The following DAZL variants were observed in gnomAD, a reference collection of about 807,000 sequenced individuals.
DAZL encodes deleted in azoospermia like, also known as deleted in azoospermia-like.
DAZL carries 4 observed loss-of-function variants against 45.0 expected under a neutral mutation model. The observed-to-expected ratio is 0.09, with a 90% CI of 0.04 to 0.20. The LOEUF (loss-of-function observed/expected upper bound fraction) is 0.20, where lower values mean the gene tolerates loss of function less well. Among genes scored for constraint, DAZL ranks in the 10% least tolerant of loss-of-function variants. The pLI is 1.00. For missense variants in DAZL, 326 were observed against 351.3 expected, an observed-to-expected ratio of 0.93 and a Z score of 0.58; for synonymous variants, 122 against 112.4, an observed-to-expected ratio of 1.09 and a Z score of -0.54.
intron 10 of DAZL, among the ~76,000 whole-genome samples, 176 bp downstream of exon 10, chr3:16,591,874 A>C (rs1694523620): frequency 6.6e-6 from 1 of 152,248 alleles, no homozygotes; most frequent in Non-Finnish European, 1.5e-5. Context: ...GTCAAGGTTC[A>C]GCAGCAGAAA....
intron 6 of DAZL, 136 bp from the exon 7 acceptor site, chr3:16,595,521 A>G: frequency 9.1e-6 from 5 of 546,880 alleles, no homozygotes; most frequent in Non-Finnish European, 1.6e-5. Flanking sequence ...TTCTAAATGC[A>G]TGACTGACTT....
Position 16,605,397 on chromosome 3 carries a change from C to G in DAZL, c.-192G>C. The G allele has an allele frequency of 1.6e-5, 11 of 704,872 alleles. No homozygotes were observed. The highest frequency in any genetic ancestry group is 4.4e-5 in the Admixed American group (2 of 45,214). The allele number at this position is 704,872 out of a possible 1,614,324, so 43.7% of individuals were successfully genotyped here. On this transcript the variant is annotated 5_prime_UTR_variant, in exon 1 of 11. Transcript: ENST00000399444. Reference sequence around the variant, plus strand: ...GGCTGAGGAGCCCCGAAAGGCGGACCGTCAGGCTGAGGAGCGCAGGCGGAC... The same window carrying G: ...GGCTGAGGAGCCCCGAAAGGCGGACGGTCAGGCTGAGGAGCGCAGGCGGAC...
In DAZL at chr3:16,593,689, T is replaced by A. The variant is rs370868321; in HGVS notation, c.701A>T (p.Glu234Val). 2.0e-5 allele frequency: 32 copies of A among 1,612,282 alleles called. No individual in the cohort carries two copies. The highest frequency in any genetic ancestry group is 2.7e-5 in the African/African-American group (2 of 74,902). The change falls in exon 9 of 11, where the codon GAA becomes GTA. Residue 234 changes from glutamate (E) to valine (V), a missense_variant. Physicochemically the swap from Glu to Val is moderately radical, Grantham distance 121 (BLOSUM62 -2). Coordinates refer to ENST00000399444, the MANE Select transcript of DAZL (RefSeq NM_001351.4). ...EVVPNECSVHEATPPSGNGPQ... is the reference protein window; with the variant it reads ...EVVPNECSVHVATPPSGNGPQ... ...GCCATTTCCAGAGGGTGGAGTAGCT[T>A]CATGAACTGAACATTCATTTGGCAC...
At chr3:16,604,394 G>T (rs1041890335) in intron 1 of DAZL, 1 of 1,476,538 alleles carries the variant, frequency 6.8e-7, no homozygotes, top group East Asian at 2.5e-5. Context: ...ACCGTACCCA[G>T]AATTTAAAAA....
intron 2 of DAZL, 38 bp from the exon 3 acceptor site, chr3:16,598,216 GCATT>G (rs1575418526): frequency 6.5e-7 from 1 of 1,536,038 alleles, no homozygotes; most frequent in Non-Finnish European, 9.0e-7. Flanking sequence ...TAAAAATTCA[GCATT>G]CAAAAATTTT....
At chr3:16,589,282 A>G (rs1354119071) in intron 10 of DAZL, among the ~76,000 whole-genome samples, 1 of 152,202 alleles carries the variant, frequency 6.6e-6, no homozygotes, top group African/African-American at 2.4e-5. Context: ...ACAGATGTGC[A>G]GAGAGAAAAA....
chr3:16,604,555 C>A, intron 1 of DAZL: 1 of 1,442,678 alleles, frequency 6.9e-7, no homozygotes, highest in Non-Finnish European at 9.1e-7. Flanking sequence ...CACTTCCGGC[C>A]CAGCCCCCTC....
At chr3:16,596,680 T>A in intron 6 of DAZL, 70 bp downstream of exon 6, 1 of 1,531,258 alleles carries the variant, frequency 6.5e-7, no homozygotes, top group Non-Finnish European at 9.0e-7. Context: ...CTACAGAAAT[T>A]GGATGTAATT....
Position 16,598,616 on chromosome 3 carries a change from G to A in DAZL, c.4-18C>T. 2 of 1,588,412 alleles carry A rather than the reference G, an allele frequency of 1.3e-6. No homozygotes were observed. Among genetic ancestry groups the A allele is most frequent in the Non-Finnish European group, 1.7e-6 (2 of 1,173,326 alleles). ...GCAGTAGACTGTAATTTGGAAAGTA[G>A]ACATCATAATTAGATACACAGGAAA... On this transcript the variant is annotated intron_variant, in intron 1 of 10. Transcript: ENST00000399444.
chr3:16,592,659 T>C (rs905546680), intron 9 of DAZL, among the ~76,000 whole-genome samples: 1 of 152,162 alleles, frequency 6.6e-6, no homozygotes, highest in Non-Finnish European at 1.5e-5. Flanking sequence ...GACAAAGATT[T>C]TAGAACCTTA....
At position 16,598,367 on chromosome 3, in the gene DAZL, CA is replaced by C. The variant is rs1306454389; in HGVS notation, c.150+84del. On this transcript the variant is annotated intron_variant, in intron 2 of 10. Coordinates refer to ENST00000399444, the MANE Select transcript of DAZL (RefSeq NM_001351.4). ...ACCAATTCTAAACCTCCATGAAGTA[CA>C]AAAAAACCTTAAGTTTGTAACAGGG... 6 of 1,560,576 alleles carry C rather than the reference CA, an allele frequency of 3.8e-6. No individual in the cohort carries two copies. In the African/African-American group the frequency reaches 4.1e-5, roughly 11 times the overall value.
In DAZL at chr3:16,592,205, A is replaced by AG. The variant is rs1036673391; in HGVS notation, c.736-58dup. On this transcript the variant is annotated intron_variant, in intron 9 of 10. Coordinates refer to ENST00000399444, the MANE Select transcript of DAZL (RefSeq NM_001351.4). ...ACGACTCTTTCACTCACTCTTAGTA[A>AG]GGGTTTTTTTTTGATAGTTTAATGA... The AG allele has an allele frequency of 4.3e-5, 69 of 1,595,020 alleles. No individual in the cohort carries two copies. The African/African-American group carries it at 6.8e-4, about 16-fold the overall frequency.
chr3:16,603,746 T>G (rs1179925410), intron 1 of DAZL, among the ~76,000 whole-genome samples: 1 of 152,218 alleles, frequency 6.6e-6, no homozygotes, highest in African/African-American at 2.4e-5. Flanking sequence ...AAAATTATCT[T>G]CAGAACAATG....
chr3:16,604,366 T>A, intron 1 of DAZL: 5 of 1,320,062 alleles, frequency 3.8e-6, no homozygotes, highest in Non-Finnish European at 4.2e-6. Flanking sequence ...AGGATCCTGG[T>A]TTATCGAGAG....
chr3:16,603,669 G>A (rs1037098871), intron 1 of DAZL, among the ~76,000 whole-genome samples: 1 of 152,030 alleles, frequency 6.6e-6, no homozygotes, highest in African/African-American at 2.4e-5. Flanking sequence ...TTTTAATATT[G>A]AAAAAGTATT....
At chr3:16,602,186 G>C (rs1282428410) in intron 1 of DAZL, among the ~76,000 whole-genome samples, 1 of 152,020 alleles carries the variant, frequency 6.6e-6, no homozygotes, top group Non-Finnish European at 1.5e-5. Flanking sequence ...GAAAAGGCAA[G>C]AAAGCAAAAG....
At chr3:16,597,682 C>T in intron 3 of DAZL, 141 bp from the exon 4 acceptor site, 1 of 652,496 alleles carries the variant, frequency 1.5e-6, no homozygotes, top group Non-Finnish European at 2.8e-6. Flanking sequence ...GATAGATCCT[C>T]TACAAATACT....
chr3:16,594,914 T>C (rs570667574), intron 7 of DAZL, among the ~76,000 whole-genome samples: 6 of 152,228 alleles, frequency 3.9e-5, no homozygotes, highest in South Asian at 2.1e-4. Flanking sequence ...ACTACTATCA[T>C]GAAGCAGTCA....
At chr3:16,590,070 C>CA (rs1440732448) in intron 10 of DAZL, among the ~76,000 whole-genome samples, 5 of 151,542 alleles carry the variant, frequency 3.3e-5, no homozygotes, top group Non-Finnish European at 7.4e-5. Context: ...GAGGTCACCT[C>CA]AAAAAAACAA....
Sources: allele counts gnomAD v4.1 joint callset (sites outside exome capture counted in the v4.1 genomes callset), GRCh38; gene constraint gnomAD v4.1.1; transcripts MANE v1.5; gene names NCBI Gene and HGNC (gene_info 2026-07-23, HGNC 2026-07-21).